FYB2: variants seen among roughly 807,000 people sequenced by gnomAD.
The protein encoded by FYB2 is FYN binding protein 2.
In FYB2, 103 loss-of-function variants were observed where a neutral mutation model predicts 94.1. The observed-to-expected ratio is 1.09, with a 90% CI of 0.93 to 1.29. The LOEUF (loss-of-function observed/expected upper bound fraction) is 1.29. FYB2 is among the 50% of genes most tolerant of loss of function. The probability of loss-of-function intolerance (pLI) is 0.00; values close to 1 mark genes in which losing one functional copy is unlikely to be tolerated. For synonymous variants in FYB2, 293 were observed against 287.9 expected (o/e 1.02, Z -0.18); for missense variants, 896 against 841.5 (o/e 1.06, Z -0.80).
At chr1:56,806,649 G>T (rs980387665) in intron 1 of FYB2, among the ~76,000 whole-genome samples, 12 of 152,160 alleles carry the variant, frequency 7.9e-5, no homozygotes, top group Admixed American at 7.9e-4. Context: ...TCAAGGCACA[G>T]GCCTATAGAG....
chr1:56,810,510 C>A (rs1646743944), intron 1 of FYB2, among the ~76,000 whole-genome samples: 2 of 152,132 alleles, frequency 1.3e-5, no homozygotes, highest in African/African-American at 4.8e-5. Flanking sequence ...TTCACACACC[C>A]ATTTTCCACT....
chr1:56,813,602 A>G (rs2101095162), intron 1 of FYB2, among the ~76,000 whole-genome samples: 1 of 152,304 alleles, frequency 6.6e-6, no homozygotes, highest in South Asian at 2.1e-4. Context: ...CCTGTCTTCA[A>G]ATAAGGTCAC....
At chr1:56,750,210 T>C (rs1450747728) in intron 9 of FYB2, among the ~76,000 whole-genome samples, 1 of 152,054 alleles carries the variant, frequency 6.6e-6, no homozygotes, top group Admixed American at 6.6e-5. Context: ...TGAAAAAGAC[T>C]AATAGTTACT....
chr1:56,740,292 T>C (rs764474250), intron 13 of FYB2, among the ~76,000 whole-genome samples: 2 of 151,950 alleles, frequency 1.3e-5, no homozygotes, highest in Non-Finnish European at 2.9e-5. Flanking sequence ...TCAAGGGAGA[T>C]AAATTAAATA....
intron 14 of FYB2, chr1:56,737,452 T>G: frequency 4.5e-6 from 1 of 224,050 alleles, no homozygotes; most frequent in South Asian, 1.0e-4. Context: ...AAAGAGTCAT[T>G]TTTAGACTAA....
chr1:56,795,335 A>G (rs1485031379), intron 1 of FYB2, among the ~76,000 whole-genome samples: 2 of 152,140 alleles, frequency 1.3e-5, no homozygotes, highest in Non-Finnish European at 2.9e-5. Context: ...GCTAAATAAT[A>G]TATCATAGTG....
At chr1:56,745,630 A>G (rs1035566078) in intron 9 of FYB2, among the ~76,000 whole-genome samples, 1 of 152,042 alleles carries the variant, frequency 6.6e-6, no homozygotes, top group Non-Finnish European at 1.5e-5. Context: ...AATTATTGCA[A>G]TAACCTCCTA....
At chr1:56,747,214 T>C (rs1645087714) in intron 9 of FYB2, among the ~76,000 whole-genome samples, 2 of 151,890 alleles carry the variant, frequency 1.3e-5, no homozygotes, top group African/African-American at 4.8e-5. Context: ...AATGGAAATA[T>C]CTTCTCCGAC....
At chr1:56,796,099 CT>C (rs1285936990) in intron 1 of FYB2, among the ~76,000 whole-genome samples, 1 of 152,172 alleles carries the variant, frequency 6.6e-6, no homozygotes, top group Non-Finnish European at 1.5e-5. Flanking sequence ...CTACCACTGA[CT>C]TTCAGAGCTA....
rs768553570 is a variant in FYB2 at position 56,737,149 on chromosome 1, T to C, written c.1733-2A>G. The C allele has an allele frequency of 1.2e-6, 2 of 1,602,526 alleles. No individual in the cohort carries two copies. The highest frequency in any genetic ancestry group is 1.3e-5 in the African/African-American group (1 of 74,512). On this transcript the variant is annotated splice_acceptor_variant, in intron 14 of 19. Coordinates refer to ENST00000343433, the MANE Select transcript of FYB2 (RefSeq NM_001004303.5). LOFTEE classifies it high-confidence loss of function. ...TAATAACTTCCTGAGACTTAAGTTC[T>C]AGGGTCAAGACAGAATCAAAATAGT...
chr1:56,738,546 G>T (rs1276912451), intron 14 of FYB2, 79 bp downstream of exon 14: 4 of 1,386,064 alleles, frequency 2.9e-6, no homozygotes, highest in Admixed American at 2.0e-5. Flanking sequence ...ATGCAGGAAG[G>T]GTTACCATTT....
rs1419134205 is a variant in FYB2 at position 56,793,295 on chromosome 1, C to T, written c.10-492G>A. Among the ~76,000 whole-genome samples the T allele has an allele frequency of 2.0e-5, 3 of 152,206 alleles. No homozygotes were observed. In the East Asian group the frequency reaches 5.8e-4, roughly 29 times the overall value. Reference sequence around the variant, plus strand: ...ACTGTTTACAATTTTCTTAGACCCTCCTACTCTCTATCACCTGGAGTTTGG... The same window carrying T: ...ACTGTTTACAATTTTCTTAGACCCTTCTACTCTCTATCACCTGGAGTTTGG... On this transcript the variant is annotated intron_variant, in intron 1 of 19. Coordinates refer to ENST00000343433, the MANE Select transcript of FYB2 (RefSeq NM_001004303.5).
Position 56,726,593 on chromosome 1 carries a change from A to G in FYB2, c.1794-10T>C, listed in dbSNP as rs1421036548. 3.1e-6 allele frequency: 5 copies of G among 1,601,598 alleles called. No individual in the cohort carries two copies. The African/African-American group carries it at 6.7e-5, about 22-fold the overall frequency. ...CAGTTTATCTTCATCTCTGAGGAGA[A>G]ATATATTTTGAGCAAGTAAATTAAG... On this transcript the variant is annotated splice_polypyrimidine_tract_variant and intron_variant, in intron 15 of 19. Coordinates refer to ENST00000343433, the MANE Select transcript of FYB2 (RefSeq NM_001004303.5).
chr1:56,787,311 T>C, intron 3 of FYB2, 103 bp from the exon 4 acceptor site: 3 of 1,428,020 alleles, frequency 2.1e-6, no homozygotes, highest in Non-Finnish European at 3.0e-6. Context: ...ATGTGGAGAG[T>C]GGAAGCTTGC....
chr1:56,826,159 T>G, the FYB2 span, among the ~76,000 whole-genome samples: 1 of 152,214 alleles, frequency 6.6e-6, no homozygotes. Flanking sequence ...AAACATCCCT[T>G]CAATCAATGT....
At chr1:56,770,444 A>C (rs1458911529) in intron 4 of FYB2, among the ~76,000 whole-genome samples, 1 of 152,198 alleles carries the variant, frequency 6.6e-6, no homozygotes, top group Non-Finnish European at 1.5e-5. Context: ...CAATTTTGAA[A>C]TGAAGACTAC....
At chr1:56,805,659 C>T (rs1166703136) in intron 1 of FYB2, among the ~76,000 whole-genome samples, 1 of 152,172 alleles carries the variant, frequency 6.6e-6, no homozygotes, top group East Asian at 1.9e-4. Context: ...TCTTGAATTC[C>T]CACATGTTGT....
At chr1:56,761,946 A>G (rs981651321) in intron 5 of FYB2, 2 of 152,156 alleles carry the variant, frequency 1.3e-5, no homozygotes, top group Non-Finnish European at 2.9e-5. Context: ...TCGTTTACCT[A>G]TGGCAATTGG....
chr1:56,792,875 CT>C, intron 1 of FYB2, 72 bp from the exon 2 acceptor site: 1 of 1,443,582 alleles, frequency 6.9e-7, no homozygotes, highest in Admixed American at 2.1e-5. Flanking sequence ...AAACAAGTGT[CT>C]CATTATTCCA....
Sources: gnomAD v4.1 joint callset for allele counts (sites outside exome capture counted in the v4.1 genomes callset) on GRCh38, gnomAD v4.1.1 for gene constraint, MANE v1.5 for transcripts, NCBI Gene and HGNC (gene_info 2026-07-23, HGNC 2026-07-21) for gene names.